The following STN1 variants were observed in gnomAD, a reference collection of about 807,000 sequenced individuals.
The protein encoded by STN1 is STN1 subunit of CST complex, also known as CST complex subunit STN1.
Under a neutral mutation model 45.5 loss-of-function variants are expected in STN1, and 29 were observed. That is an observed-to-expected ratio of 0.64 (90% confidence interval 0.47 to 0.87). The LOEUF is 0.87. STN1 is among the 40% of genes least tolerant of loss of function. STN1 has a pLI of 0.00. For missense variants in STN1, 376 were observed against 441.4 expected (o/e 0.85, Z 1.33); for synonymous variants, 148 against 159.0 (o/e 0.93, Z 0.52).
At chr10:103,890,413 TGGAGA>T (rs1843132401) in intron 8 of STN1, among the ~76,000 whole-genome samples, 1 of 152,122 alleles carries the variant, frequency 6.6e-6, no homozygotes, top group Non-Finnish European at 1.5e-5. Context: ...TACAAAGCAG[TGGAGA>T]GATGAAGTCA....
chr10:103,896,995 C>A (rs1843175171), intron 7 of STN1, among the ~76,000 whole-genome samples: 1 of 152,082 alleles, frequency 6.6e-6, no homozygotes, highest in Admixed American at 6.5e-5. Flanking sequence ...AATTATCCAT[C>A]CAAGATGATT....
At chr10:103,903,867 C>T (rs1228965171) in intron 4 of STN1, among the ~76,000 whole-genome samples, 2 of 152,178 alleles carry the variant, frequency 1.3e-5, no homozygotes, top group South Asian at 2.1e-4. Context: ...CCTAAAAACA[C>T]GTTGTCTCCC....
chr10:103,882,033 C>T lies in STN1; in HGVS notation c.*651G>A, dbSNP rs1843072447. Among the ~76,000 whole-genome samples, 1 of 152,192 alleles carries T rather than the reference C, an allele frequency of 6.6e-6. No homozygotes were observed. The highest frequency in any genetic ancestry group is 2.4e-5 in the African/African-American group (1 of 41,436). On this transcript the variant is annotated 3_prime_UTR_variant, in exon 10 of 10. Transcript: ENST00000224950. ...CAGGGAAATGTACTGGGACACCTTT[C>T]GATTCCCAAGGAAATAAAAGGAAAA...
At chr10:103,901,564 G>T (rs1205376946) in intron 4 of STN1, among the ~76,000 whole-genome samples, 2 of 152,096 alleles carry the variant, frequency 1.3e-5, no homozygotes, top group Non-Finnish European at 2.9e-5. Context: ...CTACACTTAC[G>T]CTTCGGTTTC....
chr10:103,899,702 A>T (rs553431210), intron 5 of STN1, among the ~76,000 whole-genome samples: 18 of 152,318 alleles, frequency 1.2e-4, no homozygotes, highest in African/African-American at 4.1e-4. Context: ...AAGAAAAAAA[A>T]TAAAGAAAAA....
At chr10:103,889,245 T>C (rs1431248915) in intron 8 of STN1, 101 bp from the exon 9 acceptor site, 1 of 751,158 alleles carries the variant, frequency 1.3e-6, no homozygotes. Flanking sequence ...TTCTAAAGAT[T>C]ACATAATAAT....
chr10:103,896,828 G>A (rs367930910), intron 7 of STN1, among the ~76,000 whole-genome samples: 6 of 152,084 alleles, frequency 3.9e-5, no homozygotes, highest in East Asian at 1.9e-4. Context: ...GAGCCACTGC[G>A]CCTGGCCCCT....
At chr10:103,894,621 G>A (rs1396900578) in intron 7 of STN1, among the ~76,000 whole-genome samples, 1 of 149,000 alleles carries the variant, frequency 6.7e-6, no homozygotes, top group Non-Finnish European at 1.5e-5. Context: ...TGGGATCTGT[G>A]TCTTTCTTGT....
chr10:103,911,454 A>C (rs60806862), intron 2 of STN1, among the ~76,000 whole-genome samples: 9,628 of 152,222 alleles, frequency 0.063, 354 homozygotes, highest in African/African-American at 0.093. Flanking sequence ...AGTCCTGCCC[A>C]ATCTCTTTTC....
In STN1 at chr10:103,879,694, G is replaced by A. The variant is rs1564909589; in HGVS notation, c.*2990C>T. On this transcript the variant is annotated 3_prime_UTR_variant, in exon 10 of 10. Transcript: ENST00000224950. ...TGTAGGAGAGTGGGAGCATTAACAG[G>A]GTGGCAACAGCTGCTGTGCTGTGAA... is the stretch of plus-strand genomic sequence containing the variant. 6.5e-6 allele frequency: 1 copy of A among 152,902 alleles called. No individual in the cohort carries two copies. The allele number at this position is 152,902 out of a possible 1,614,324, so 9.5% of individuals were successfully genotyped here. A position where few individuals can be genotyped will look rare whatever the true frequency, so the allele number is the denominator to read the frequency against.
chr10:103,899,100 G>A (rs1843190459), intron 5 of STN1, 100 bp from the exon 6 acceptor site: 3 of 1,316,816 alleles, frequency 2.3e-6, no homozygotes, highest in East Asian at 2.5e-5. Flanking sequence ...CAGTAAATGA[G>A]GTGCTGGGTG....
chr10:103,899,629 T>C (rs3850671), intron 5 of STN1, among the ~76,000 whole-genome samples: 67,479 of 151,868 alleles, frequency 0.44, 15,700 homozygotes, highest in Non-Finnish European at 0.5. Flanking sequence ...TGAGGCTGCA[T>C]TGGGCTGTGA....
intron 2 of STN1, among the ~76,000 whole-genome samples, chr10:103,915,024 G>A (rs933687159): frequency 2.6e-5 from 4 of 152,140 alleles, no homozygotes; most frequent in South Asian, 2.1e-4. Context: ...GACTCAGGAA[G>A]GTGCTATACT....
rs1302429507 is a variant in STN1, at chr10:103,879,607, T to A, written c.*3077A>T. ...GTGCGGCTGGGCTGGGAGGGCAGGG[T>A]AAGCGGGGCCGTGCTGACCTCTGTG... On this transcript the variant is annotated 3_prime_UTR_variant, in exon 10 of 10. Coordinates refer to ENST00000224950, the MANE Select transcript of STN1 (RefSeq NM_024928.5). The A allele has an allele frequency of 6.6e-6, 1 of 152,252 alleles. No individual in the cohort carries two copies. The highest frequency in any genetic ancestry group is 2.4e-5 in the African/African-American group (1 of 41,358). The allele number at this position is 152,252 out of a possible 1,614,324, so 9.4% of individuals were successfully genotyped here. A position where few individuals can be genotyped will look rare whatever the true frequency, so the allele number is the denominator to read the frequency against.
At chr10:103,892,338 G>C (rs752592594) in intron 7 of STN1, 86 bp from the exon 8 acceptor site, 3 of 1,290,722 alleles carry the variant, frequency 2.3e-6, no homozygotes, top group Non-Finnish European at 1.0e-6. Flanking sequence ...ACTGGTTCAT[G>C]AATTTGTCCA....
At position 103,910,570 on chromosome 10, in the gene STN1, A is replaced by C; in HGVS notation, c.186T>G (p.Thr62=). 1.2e-6 allele frequency: 2 copies of C among 1,611,540 alleles called. No homozygotes were observed. The highest frequency in any genetic ancestry group is 1.7e-6 in the Non-Finnish European group (2 of 1,177,866). ...HPIKQVDVLG[T]VIGVRERDAF... Reference sequence around the variant, plus strand: ...CATCTCTTTCTCTCACTCCAATGACAGTTCCCAAGACATCTACCTGTTTTA... The same window carrying C: ...CATCTCTTTCTCTCACTCCAATGACCGTTCCCAAGACATCTACCTGTTTTA... Residue 62 remains threonine, a synonymous_variant, in exon 3 of 10, where the codon ACT becomes ACG. Transcript: ENST00000224950.
intron 8 of STN1, among the ~76,000 whole-genome samples, chr10:103,891,031 G>A (rs1253696952): frequency 6.6e-6 from 1 of 152,186 alleles, no homozygotes; most frequent in Non-Finnish European, 1.5e-5. Flanking sequence ...CTACACTTCT[G>A]CTGGGAGTCA....
intron 2 of STN1, among the ~76,000 whole-genome samples, chr10:103,910,962 T>G (rs548412949): frequency 4.6e-5 from 7 of 151,594 alleles, no homozygotes; most frequent in Admixed American, 3.9e-4. Flanking sequence ...AGGACTATAT[T>G]TGAAGCAACT....
At chr10:103,885,085 C>T (rs1383361735) in intron 9 of STN1, among the ~76,000 whole-genome samples, 1 of 152,148 alleles carries the variant, frequency 6.6e-6, no homozygotes, top group Non-Finnish European at 1.5e-5. Context: ...AAAGTCACTC[C>T]CGGGAACAAA....
Sources: allele counts gnomAD v4.1 joint callset (sites outside exome capture counted in the v4.1 genomes callset), GRCh38; gene constraint gnomAD v4.1.1; transcripts MANE v1.5; gene names NCBI Gene and HGNC (gene_info 2026-07-23, HGNC 2026-07-21).